Variants in FRAS1 observed in about 807,000 individuals in gnomAD.
FRAS1 encodes Fraser extracellular matrix complex subunit 1, also known as extracellular matrix organizing protein FRAS1.
Under a neutral mutation model 435.2 loss-of-function variants are expected in FRAS1, and 290 were observed. The ratio of observed to expected loss-of-function variants is 0.67; its 90% CI spans 0.61 to 0.73. FRAS1 has a LOEUF of 0.73. FRAS1 is among the 30% of genes least tolerant of loss of function. The pLI is 0.00. For missense variants in FRAS1, 4,860 were observed against 5,001.5 expected, an observed-to-expected ratio of 0.97 and a Z score of 0.85; for synonymous variants, 1,800 against 1,851.0, an observed-to-expected ratio of 0.97 and a Z score of 0.71.
chr4:78,490,262 A>G (rs1720308985), intron 59 of FRAS1, among the ~76,000 whole-genome samples: 1 of 152,152 alleles, frequency 6.6e-6, no homozygotes. Context: ...CAGAAAATTA[A>G]CAAGGTTATT....
chr4:78,074,014 G>A (rs1740502409), intron 2 of FRAS1, among the ~76,000 whole-genome samples: 1 of 152,184 alleles, frequency 6.6e-6, no homozygotes, highest in Non-Finnish European at 1.5e-5. Flanking sequence ...AGAGGGACAA[G>A]CTTTCACAGG....
chr4:78,468,474 T>C lies in FRAS1; in HGVS notation c.7258-1504T>C, dbSNP rs143859145. ...GGCACACAGGGAACATCAGATAAAC[T>C]GAAGCTGTAAACATCATCATCATCA... is the stretch of plus-strand genomic sequence containing the variant. On this transcript the variant is annotated intron_variant, in intron 50 of 73. Transcript: ENST00000512123. Among the ~76,000 whole-genome samples, 94 of 116,310 alleles carry C rather than the reference T, an allele frequency of 8.1e-4. 1 individual carries two copies. In the Middle Eastern group the frequency reaches 0.028, roughly 35 times the overall value. The allele number at this position is 116,310 out of a possible 152,430, so 76.3% of individuals were successfully genotyped here.
At chr4:78,270,650 G>C (rs948638420) in intron 9 of FRAS1, among the ~76,000 whole-genome samples, 2 of 151,238 alleles carry the variant, frequency 1.3e-5, no homozygotes, top group Non-Finnish European at 2.9e-5. Context: ...GGACACTCAA[G>C]AATCTCTCAT....
intron 2 of FRAS1, among the ~76,000 whole-genome samples, chr4:78,112,313 AG>A (rs369080447): frequency 1.7e-4 from 26 of 152,322 alleles, no homozygotes; most frequent in African/African-American, 6.3e-4. Context: ...GCTTTTTAAA[AG>A]ACTCACCAAT....
At chr4:78,461,515 TTAAAAGA>T (rs1247210460) in intron 47 of FRAS1, among the ~76,000 whole-genome samples, 6 of 152,122 alleles carry the variant, frequency 3.9e-5, no homozygotes, top group African/African-American at 1.4e-4. Flanking sequence ...TCCAGAGTTG[TTAAAAGA>T]TAAAATTCAA....
intron 2 of FRAS1, among the ~76,000 whole-genome samples, chr4:78,169,693 C>T (rs918300811): frequency 1.3e-5 from 2 of 152,114 alleles, no homozygotes; most frequent in African/African-American, 4.8e-5. Flanking sequence ...TTGACCATTG[C>T]TACTTAACAG....
chr4:78,172,163 G>C lies in FRAS1; in HGVS notation c.109-65347G>C, dbSNP rs569277499. On this transcript the variant is annotated intron_variant, in intron 2 of 73. Coordinates refer to ENST00000512123, the MANE Select transcript of FRAS1 (RefSeq NM_025074.7). ...GTTTCCCTGTAGTGTCTGTATCTGC[G>C]TGCTTGTATTAGGCCTGTTGCAGAC... Among the ~76,000 whole-genome samples, 12 of 152,086 alleles carry C rather than the reference G, an allele frequency of 7.9e-5. No homozygotes were observed. The South Asian group carries it at 2.5e-3, about 32-fold the overall frequency.
intron 25 of FRAS1, 36 bp from the exon 26 acceptor site, chr4:78,375,703 T>C: frequency 6.6e-7 from 1 of 1,521,006 alleles, no homozygotes; most frequent in South Asian, 1.3e-5. Context: ...GGTGTTGCCT[T>C]GATTGAGCCT....
chr4:78,453,882 CGT>C (rs1479084051), intron 47 of FRAS1, among the ~76,000 whole-genome samples: 1 of 152,114 alleles, frequency 6.6e-6, no homozygotes, highest in Non-Finnish European at 1.5e-5. Context: ...TTTAGAGCTT[CGT>C]GGATTCTTTT....
chr4:78,413,426 A>G (rs1218311885), intron 32 of FRAS1, among the ~76,000 whole-genome samples: 1 of 152,204 alleles, frequency 6.6e-6, no homozygotes, highest in African/African-American at 2.4e-5. Context: ...TTGGTCCCCC[A>G]GTTATGGCAC....
At position 78,446,968 on chromosome 4, in the gene FRAS1, C is replaced by A; in HGVS notation, c.6010+88C>A. 5 of 1,286,988 alleles carry A rather than the reference C, an allele frequency of 3.9e-6. 1 individual carries two copies. The South Asian group carries it at 7.0e-5, about 18-fold the overall frequency. The allele number at this position is 1,286,988 out of a possible 1,614,324, so 79.7% of individuals were successfully genotyped here. On this transcript the variant is annotated intron_variant, in intron 43 of 73. Transcript: ENST00000512123. Reference sequence around the variant, plus strand: ...ACACAAATATTTCAGTTGACTATTTCTTTTCTTGTATATGGTACATTCTTT... The same window carrying A: ...ACACAAATATTTCAGTTGACTATTTATTTTCTTGTATATGGTACATTCTTT...
chr4:78,292,304 A>G lies in FRAS1; in HGVS notation c.1534+5765A>G, dbSNP rs1368608028. On this transcript the variant is annotated intron_variant, in intron 14 of 73. Transcript: ENST00000512123. ...AAATCCCTTTTTCTTTTAAAAAGGA[A>G]AGAAAATTTTAAGTGCTCAGATTAA... 2.0e-5 allele frequency among the ~76,000 whole-genome samples: 3 copies of G among 152,228 alleles called. No individual in the cohort carries two copies. The East Asian group carries it at 5.8e-4, about 29-fold the overall frequency.
intron 2 of FRAS1, among the ~76,000 whole-genome samples, chr4:78,159,792 A>G (rs1721059378): frequency 6.6e-6 from 1 of 152,162 alleles, no homozygotes; most frequent in Admixed American, 6.5e-5. Flanking sequence ...GAGGCAGGAG[A>G]ATCACTTGAA....
At chr4:78,363,789 A>G (rs1731167464) in intron 21 of FRAS1, 119 bp from the exon 22 acceptor site, 1 of 1,421,622 alleles carries the variant, frequency 7.0e-7, no homozygotes, top group African/African-American at 1.4e-5. Flanking sequence ...CTTCCATGGG[A>G]CTGTAAACCA....
At chr4:78,383,467 C>G (rs1732099739) in intron 27 of FRAS1, among the ~76,000 whole-genome samples, 1 of 152,194 alleles carries the variant, frequency 6.6e-6, no homozygotes, top group African/African-American at 2.4e-5. Context: ...GATGCTGAGA[C>G]TGACTGCTGG....
At chr4:78,380,312 C>T (rs1213864287) in intron 27 of FRAS1, among the ~76,000 whole-genome samples, 3 of 149,872 alleles carry the variant, frequency 2.0e-5, no homozygotes, top group African/African-American at 4.9e-5. Context: ...CTAGATGTTA[C>T]AGCTGCTTCT....
intron 67 of FRAS1, among the ~76,000 whole-genome samples, chr4:78,519,843 G>A (rs1721333678): frequency 6.6e-6 from 1 of 152,170 alleles, no homozygotes; most frequent in African/African-American, 2.4e-5. Context: ...CAGAGCAAAA[G>A]GATCTTCAAA....
intron 2 of FRAS1, among the ~76,000 whole-genome samples, chr4:78,213,717 G>A (rs1212082883): frequency 6.6e-6 from 1 of 152,128 alleles, no homozygotes; most frequent in East Asian, 1.9e-4. Flanking sequence ...GAAGTTGATA[G>A]ACAGTTGCCC....
chr4:78,140,644 TATATGTATATACGTATATAC>T (rs1474038489), intron 2 of FRAS1, among the ~76,000 whole-genome samples: 4 of 150,844 alleles, frequency 2.7e-5, no homozygotes, highest in African/African-American at 9.9e-5. Flanking sequence ...TACATATGTG[TATATGTATATACGTATATAC>T]ATATGTGTAT....
Sources: gnomAD v4.1 joint callset for allele counts (sites outside exome capture counted in the v4.1 genomes callset) on GRCh38, gnomAD v4.1.1 for gene constraint, MANE v1.5 for transcripts, NCBI Gene and HGNC (gene_info 2026-07-23, HGNC 2026-07-21) for gene names.